The following RPS6KC1 variants were observed in gnomAD, a reference collection of about 807,000 sequenced individuals.
RPS6KC1 encodes inactive ribosomal protein S6 kinase delta-1.
Under a neutral mutation model 103.8 loss-of-function variants are expected in RPS6KC1, and 54 were observed. The ratio of observed to expected loss-of-function variants is 0.52; its 90% CI spans 0.42 to 0.65. RPS6KC1 has a LOEUF of 0.65. RPS6KC1 is among the 30% of genes least tolerant of loss of function. RPS6KC1 has a pLI of 0.00. For synonymous variants in RPS6KC1, 439 were observed against 438.7 expected, an observed-to-expected ratio of 1.00 and a Z score of -0.01; for missense variants, 1,151 against 1,253.8, an observed-to-expected ratio of 0.92 and a Z score of 1.24.
intron 8 of RPS6KC1, among the ~76,000 whole-genome samples, chr1:213,227,973 C>T (rs1423477257): frequency 6.6e-6 from 1 of 152,098 alleles, no homozygotes; most frequent in Non-Finnish European, 1.5e-5. Context: ...ATAACACGTT[C>T]ACAAATGTTG....
At chr1:213,645,979 G>C in the RPS6KC1 span, among the ~76,000 whole-genome samples, 5 of 152,148 alleles carry the variant, frequency 3.3e-5, no homozygotes, top group African/African-American at 1.2e-4. Flanking sequence ...CAGTAGCCCT[G>C]GTAACTTGAG....
At chr1:213,152,104 G>A (rs2089150857) in intron 6 of RPS6KC1, among the ~76,000 whole-genome samples, 1 of 125,458 alleles carries the variant, frequency 8.0e-6, no homozygotes, top group Non-Finnish European at 1.7e-5. Flanking sequence ...GGGCAGAGGG[G>A]CTCCTCACTT....
intron 5 of RPS6KC1, among the ~76,000 whole-genome samples, chr1:213,118,979 C>A (rs1487331540): frequency 6.6e-6 from 1 of 151,692 alleles, no homozygotes; most frequent in Non-Finnish European, 1.5e-5. Flanking sequence ...AAATCTAGTC[C>A]CTGCTTGGGA....
chr1:213,446,264 C>T, the RPS6KC1 span, among the ~76,000 whole-genome samples: 1 of 152,198 alleles, frequency 6.6e-6, no homozygotes, highest in East Asian at 1.9e-4. Context: ...CAAGCCTTTG[C>T]CCACACCCCA....
chr1:213,191,212 A>C (rs572697634), intron 8 of RPS6KC1, among the ~76,000 whole-genome samples: 1 of 152,328 alleles, frequency 6.6e-6, no homozygotes, highest in African/African-American at 2.4e-5. Flanking sequence ...TAAAGATTGC[A>C]TTAAATCTGT....
intron 1 of RPS6KC1, among the ~76,000 whole-genome samples, chr1:213,058,020 G>T (rs1290203733): frequency 6.8e-6 from 1 of 146,828 alleles, no homozygotes; most frequent in Non-Finnish European, 1.5e-5. Flanking sequence ...TGCCTGTCTT[G>T]GCCTTCCAAA....
chr1:213,618,221 A>G, the RPS6KC1 span, among the ~76,000 whole-genome samples: 4 of 152,252 alleles, frequency 2.6e-5, no homozygotes, highest in Non-Finnish European at 4.4e-5. Context: ...TGAACTCTAC[A>G]ATGATCCCAG....
At chr1:213,167,436 G>GAA (rs1303908137) in intron 6 of RPS6KC1, among the ~76,000 whole-genome samples, 1 of 89,716 alleles carries the variant, frequency 1.1e-5, no homozygotes, top group East Asian at 3.8e-4. Context: ...AACCAAGGTT[G>GAA]AAAACACACA....
intron 4 of RPS6KC1, among the ~76,000 whole-genome samples, chr1:213,106,497 C>T (rs1403311060): frequency 1.3e-5 from 2 of 152,174 alleles, no homozygotes; most frequent in Non-Finnish European, 2.9e-5. Flanking sequence ...AACAGGGTCA[C>T]ATGCCCATCC....
At chr1:213,384,667 T>C in the RPS6KC1 span, among the ~76,000 whole-genome samples, 1 of 152,144 alleles carries the variant, frequency 6.6e-6, no homozygotes, top group Admixed American at 6.5e-5. Flanking sequence ...GCTCTCCACT[T>C]TCCCTCCCCC....
At chr1:213,242,453 T>C in intron 11 of RPS6KC1, 116 bp from the exon 12 acceptor site, 1 of 1,088,872 alleles carries the variant, frequency 9.2e-7, no homozygotes, top group Admixed American at 1.9e-5. Context: ...TAGTACTTAA[T>C]GATGCCATTA....
chr1:213,547,403 T>G, the RPS6KC1 span, among the ~76,000 whole-genome samples: 1 of 152,186 alleles, frequency 6.6e-6, no homozygotes, highest in Admixed American at 6.5e-5. Context: ...AAGAAACTCT[T>G]ATACAATGCT....
chr1:213,645,201 G>GA, the RPS6KC1 span, among the ~76,000 whole-genome samples: 1 of 152,132 alleles, frequency 6.6e-6, no homozygotes, highest in Non-Finnish European at 1.5e-5. Context: ...TGACGGAGCA[G>GA]AAAGAGGTGG....
the RPS6KC1 span, among the ~76,000 whole-genome samples, chr1:213,808,959 G>A: frequency 1.3e-5 from 2 of 152,218 alleles, no homozygotes; most frequent in African/African-American, 2.4e-5. Flanking sequence ...TCATTCCTGT[G>A]TTCACTGGAG....
At chr1:213,732,238 C>T in the RPS6KC1 span, among the ~76,000 whole-genome samples, 3 of 152,154 alleles carry the variant, frequency 2.0e-5, no homozygotes, top group Non-Finnish European at 4.4e-5. Flanking sequence ...GAGAGGACAA[C>T]ATTTTCCCCA....
chr1:213,595,475 G>C, the RPS6KC1 span, among the ~76,000 whole-genome samples: 1 of 152,298 alleles, frequency 6.6e-6, no homozygotes. Flanking sequence ...TGTGGTGAGA[G>C]GACATTCCAA....
At chr1:213,471,352 T>C in the RPS6KC1 span, among the ~76,000 whole-genome samples, 1 of 152,200 alleles carries the variant, frequency 6.6e-6, no homozygotes, top group Non-Finnish European at 1.5e-5. Flanking sequence ...AATCTGAGTG[T>C]AAAAAGATTT....
chr1:213,106,414 A>C (rs1416520560), intron 4 of RPS6KC1, among the ~76,000 whole-genome samples: 1 of 152,198 alleles, frequency 6.6e-6, no homozygotes, highest in Non-Finnish European at 1.5e-5. Context: ...AGGCCAAAAG[A>C]AACATGGCAG....
the RPS6KC1 span, among the ~76,000 whole-genome samples, chr1:213,742,481 A>T: frequency 6.6e-6 from 1 of 152,222 alleles, no homozygotes; most frequent in Non-Finnish European, 1.5e-5. Context: ...GGACGGGGGA[A>T]CATTTTAGCT....
Sources: gnomAD v4.1 joint callset for allele counts (sites outside exome capture counted in the v4.1 genomes callset) on GRCh38, gnomAD v4.1.1 for gene constraint, MANE v1.5 for transcripts, NCBI Gene and HGNC (gene_info 2026-07-23, HGNC 2026-07-21) for gene names.